The following EXOC6B variants were observed in gnomAD, a reference collection of about 807,000 sequenced individuals.
The protein encoded by EXOC6B is SEC15 homolog B.
In EXOC6B, 54 loss-of-function variants were observed where a neutral mutation model predicts 113.5. The observed-to-expected ratio is 0.48, with a 90% CI of 0.38 to 0.60. The LOEUF (loss-of-function observed/expected upper bound fraction) is 0.60, where lower values mean the gene tolerates loss of function less well. Among genes scored for constraint, EXOC6B ranks in the 20% least tolerant of loss-of-function variants. The pLI, the probability that EXOC6B is intolerant of heterozygous loss-of-function variation, is 0.00. For missense variants in EXOC6B, 797 were observed against 977.5 expected (o/e 0.82, Z 2.46); for synonymous variants, 357 against 339.0 (o/e 1.05, Z -0.58).
intron 18 of EXOC6B, among the ~76,000 whole-genome samples, chr2:72,442,732 A>C (rs1696285102): frequency 6.6e-6 from 1 of 152,146 alleles, no homozygotes; most frequent in Admixed American, 6.5e-5. Context: ...TGCTCAAAGA[A>C]ATCAGAGAAC....
intron 18 of EXOC6B, among the ~76,000 whole-genome samples, chr2:72,398,125 T>G (rs1487717438): frequency 6.6e-6 from 1 of 152,230 alleles, no homozygotes; most frequent in African/African-American, 2.4e-5. Flanking sequence ...TACACTGCCC[T>G]TTCTGATGTG....
intron 18 of EXOC6B, among the ~76,000 whole-genome samples, chr2:72,386,773 G>T (rs1485354165): frequency 6.6e-6 from 1 of 152,130 alleles, no homozygotes; most frequent in Non-Finnish European, 1.5e-5. Context: ...TGAGATGATG[G>T]ATATGTTAAT....
chr2:72,374,185 T>A (rs1271405017), intron 19 of EXOC6B, among the ~76,000 whole-genome samples: 1 of 152,224 alleles, frequency 6.6e-6, no homozygotes, highest in African/African-American at 2.4e-5. Flanking sequence ...TAGGTATTTA[T>A]TCAAATGAAA....
chr2:72,593,163 C>G (rs966083761), intron 6 of EXOC6B, among the ~76,000 whole-genome samples: 1 of 152,126 alleles, frequency 6.6e-6, no homozygotes, highest in African/African-American at 2.4e-5. Flanking sequence ...CATGCCCTTC[C>G]TCCATACCTT....
intron 1 of EXOC6B, among the ~76,000 whole-genome samples, chr2:72,794,987 A>G (rs906896258): frequency 1.3e-5 from 2 of 152,260 alleles, no homozygotes; most frequent in African/African-American, 4.8e-5. Context: ...GCAGTCGTCT[A>G]GAAATAACAA....
At chr2:72,639,491 T>C (rs1362972920) in intron 6 of EXOC6B, among the ~76,000 whole-genome samples, 3 of 152,234 alleles carry the variant, frequency 2.0e-5, no homozygotes, top group Non-Finnish European at 1.5e-5. Context: ...GCAGACACCC[T>C]GGCACCCACT....
intron 6 of EXOC6B, among the ~76,000 whole-genome samples, chr2:72,686,457 T>G (rs1011486110): frequency 2.0e-5 from 3 of 152,232 alleles, no homozygotes; most frequent in African/African-American, 4.8e-5. Flanking sequence ...TATCTTAGAA[T>G]GTACAATTAT....
intron 20 of EXOC6B, among the ~76,000 whole-genome samples, chr2:72,201,783 AG>A (rs1249552331): frequency 6.6e-6 from 1 of 152,224 alleles, no homozygotes; most frequent in Admixed American, 6.5e-5. Context: ...GATGGTAGAG[AG>A]GAACAGGCTC....
At chr2:72,196,668 T>C (rs1679189020) in intron 20 of EXOC6B, among the ~76,000 whole-genome samples, 1 of 152,182 alleles carries the variant, frequency 6.6e-6, no homozygotes, top group Admixed American at 6.5e-5. Flanking sequence ...TTCAAAAGGG[T>C]TCTGCCTCCC....
At chr2:72,464,952 C>G (rs1697945720) in intron 18 of EXOC6B, 1 of 577,066 alleles carries the variant, frequency 1.7e-6, no homozygotes. Context: ...TACCAGGAAC[C>G]ATTTTCAGAT....
chr2:72,752,825 T>C (rs1020303723), intron 1 of EXOC6B, among the ~76,000 whole-genome samples: 1 of 152,140 alleles, frequency 6.6e-6, no homozygotes, highest in South Asian at 2.1e-4. Context: ...TGTGCCACCA[T>C]GAACTATCCC....
chr2:72,334,972 T>A lies in EXOC6B; in HGVS notation c.2171A>T (p.Gln724Leu), dbSNP rs111624023. 1.2e-6 allele frequency: 2 copies of A among 1,613,362 alleles called. No individual in the cohort carries two copies. Among genetic ancestry groups the A allele is most frequent in the East Asian group, 2.2e-5 (1 of 44,856 alleles). ...PVPGFQEDTL[Q>L]LAFIDLRQLL... ...TTGTCTCAAGTCGATGAAGGCCAAC[T>A]GCAGCGTGTCCTCCTGGAACCCAGG... The change falls in exon 20 of 22, where the codon CAG (glutamine) becomes CTG (leucine). Residue 724 changes from glutamine to leucine, a missense_variant. By Grantham distance (113) the Gln-to-Leu change is moderately radical. Transcript: ENST00000272427.
At chr2:72,294,020 A>T (rs1685968595) in intron 20 of EXOC6B, among the ~76,000 whole-genome samples, 1 of 151,912 alleles carries the variant, frequency 6.6e-6, no homozygotes, top group South Asian at 2.1e-4. Context: ...TTTCAATAGG[A>T]TGTAAGGAAG....
intron 1 of EXOC6B, among the ~76,000 whole-genome samples, chr2:72,772,842 C>T (rs980137122): frequency 1.6e-4 from 24 of 152,202 alleles, no homozygotes; most frequent in African/African-American, 5.8e-4. Flanking sequence ...TTCAAATGCA[C>T]AACTACCAAA....
chr2:72,482,090 T>A (rs985694903), intron 16 of EXOC6B, among the ~76,000 whole-genome samples: 2 of 152,196 alleles, frequency 1.3e-5, no homozygotes, highest in African/African-American at 4.8e-5. Context: ...TATGGACTCA[T>A]CTAAATAACT....
intron 20 of EXOC6B, among the ~76,000 whole-genome samples, chr2:72,192,323 T>C (rs1678898799): frequency 6.6e-6 from 1 of 152,200 alleles, no homozygotes; most frequent in South Asian, 2.1e-4. Flanking sequence ...ACTTATACTT[T>C]GTGCTTCTCA....
At chr2:72,361,869 GACAAA>G (rs1245390173) in intron 19 of EXOC6B, among the ~76,000 whole-genome samples, 2 of 152,276 alleles carry the variant, frequency 1.3e-5, no homozygotes, top group African/African-American at 4.8e-5. Flanking sequence ...CTGACTTTGA[GACAAA>G]ATAAATTCTC....
intron 8 of EXOC6B, among the ~76,000 whole-genome samples, chr2:72,543,664 C>T (rs1246412876): frequency 2.0e-5 from 3 of 152,134 alleles, no homozygotes; most frequent in South Asian, 2.1e-4. Context: ...TACTACAAAC[C>T]GGAGCCCATT....
intron 20 of EXOC6B, among the ~76,000 whole-genome samples, chr2:72,258,890 C>T (rs1683525456): frequency 6.6e-6 from 1 of 152,088 alleles, no homozygotes; most frequent in South Asian, 2.1e-4. Context: ...TCACAGTGAA[C>T]ATCCATACAC....
Sources: gnomAD v4.1 joint callset for allele counts (sites outside exome capture counted in the v4.1 genomes callset) on GRCh38, gnomAD v4.1.1 for gene constraint, MANE v1.5 for transcripts, NCBI Gene and HGNC (gene_info 2026-07-23, HGNC 2026-07-21) for gene names.